The following EXOC4 variants were observed in gnomAD, a reference collection of about 807,000 sequenced individuals.
EXOC4 encodes exocyst complex component 4, also known as SEC8-like 1.
Under a neutral mutation model 107.2 loss-of-function variants are expected in EXOC4, and 71 were observed. The ratio of observed to expected loss-of-function variants is 0.66; its 90% CI spans 0.55 to 0.81. The LOEUF is 0.81. Ranked by LOEUF, EXOC4 falls within the 30% of genes least tolerant of loss-of-function variation. The pLI, the probability that EXOC4 is intolerant of heterozygous loss-of-function variation, is 0.00. For missense variants in EXOC4, 1,108 were observed against 1,189.6 expected (o/e 0.93, Z 1.01); for synonymous variants, 456 against 441.2 (o/e 1.03, Z -0.42).
At chr7:133,861,059 A>G (rs1293249253) in intron 11 of EXOC4, among the ~76,000 whole-genome samples, 2 of 152,162 alleles carry the variant, frequency 1.3e-5, no homozygotes, top group African/African-American at 4.8e-5. Flanking sequence ...CCTTAACAAA[A>G]CAACCTCATC....
At chr7:133,882,609 G>A (rs1798989855) in intron 11 of EXOC4, among the ~76,000 whole-genome samples, 2 of 152,182 alleles carry the variant, frequency 1.3e-5, no homozygotes, top group Admixed American at 1.3e-4. Context: ...CTGGTACGAG[G>A]GTTAGGGAGA....
At chr7:133,494,466 A>G (rs987357802) in intron 9 of EXOC4, among the ~76,000 whole-genome samples, 1 of 152,246 alleles carries the variant, frequency 6.6e-6, no homozygotes. Flanking sequence ...AAGCAAGGCA[A>G]TTGATGGGAT....
At chr7:133,343,621 A>T in intron 5 of EXOC4, among the ~76,000 whole-genome samples, 1 of 146,058 alleles carries the variant, frequency 6.8e-6, no homozygotes, top group East Asian at 2.0e-4. Flanking sequence ...GAGTTTCATC[A>T]CTTTCTTCTC....
Position 133,528,090 on chromosome 7 carries a change from A to G in EXOC4, c.1417+47952A>G, listed in dbSNP as rs183424551. 5.6e-4 allele frequency among the ~76,000 whole-genome samples: 85 copies of G among 152,270 alleles called. 2 individuals are homozygous for G. The East Asian group carries it at 0.011, about 20-fold the overall frequency. ...TAATTGCCACACTTTGATAACCACTATATTGTCCATTTAATTTTTCCTAGC... is the reference window on the plus strand; with the variant it reads ...TAATTGCCACACTTTGATAACCACTGTATTGTCCATTTAATTTTTCCTAGC... On this transcript the variant is annotated intron_variant, in intron 9 of 17. Coordinates refer to ENST00000253861, the MANE Select transcript of EXOC4 (RefSeq NM_021807.4).
At position 133,627,024 on chromosome 7, in the gene EXOC4, T is replaced by G. The variant is rs1802473467; in HGVS notation, c.1418-3021T>G. Among the ~76,000 whole-genome samples the G allele has an allele frequency of 2.0e-5, 3 of 152,230 alleles. 1 individual carries two copies. The highest frequency in any genetic ancestry group is 7.2e-5 in the African/African-American group (3 of 41,466). ...TTTAGCAAGTTAGGTCTTTTTTCCT[T>G]TCATTCAGCAAATGTATTCTTGTAT... On this transcript the variant is annotated intron_variant, in intron 9 of 17. Coordinates refer to ENST00000253861, the MANE Select transcript of EXOC4 (RefSeq NM_021807.4).
chr7:133,461,361 C>G (rs1481036760), intron 7 of EXOC4, among the ~76,000 whole-genome samples: 2 of 152,160 alleles, frequency 1.3e-5, no homozygotes, highest in Non-Finnish European at 2.9e-5. Context: ...AACACAGTTC[C>G]TGGCACTTAG....
intron 7 of EXOC4, among the ~76,000 whole-genome samples, chr7:133,446,610 A>G (rs1458065420): frequency 2.0e-5 from 3 of 152,214 alleles, no homozygotes; most frequent in Non-Finnish European, 2.9e-5. Flanking sequence ...AGATGAAGCC[A>G]TTAGAAACTC....
intron 9 of EXOC4, among the ~76,000 whole-genome samples, chr7:133,608,554 T>TC (rs1170472570): frequency 7.0e-6 from 1 of 143,246 alleles, no homozygotes; most frequent in Non-Finnish European, 1.5e-5. Context: ...TTCTTTTTTT[T>TC]TTTTTTTTTT....
chr7:133,259,099 G>C (rs1048016574), intron 1 of EXOC4, among the ~76,000 whole-genome samples: 1 of 151,922 alleles, frequency 6.6e-6, no homozygotes, highest in South Asian at 2.1e-4. Flanking sequence ...TCAGGTTTTC[G>C]TATGGATCTT....
intron 7 of EXOC4, among the ~76,000 whole-genome samples, chr7:133,468,399 A>C (rs1271016025): frequency 6.6e-6 from 1 of 152,202 alleles, no homozygotes; most frequent in Admixed American, 6.5e-5. Flanking sequence ...TATTGAAAAA[A>C]ATAACTTTTT....
chr7:133,691,672 G>A (rs1397482795), intron 10 of EXOC4, among the ~76,000 whole-genome samples: 1 of 152,120 alleles, frequency 6.6e-6, no homozygotes, highest in Non-Finnish European at 1.5e-5. Context: ...AGATACTTAT[G>A]AAATCCAGTA....
rs57409643 is a variant in EXOC4 at position 133,716,249 on chromosome 7, A to G, written c.1514+86108A>G. On this transcript the variant is annotated intron_variant, in intron 10 of 17. Transcript: ENST00000253861. ...ACTACAGAGTGCTGGGCATGTAGCA[A>G]TGAAAAGTTGACATGGGACTCTGTC... Among the ~76,000 whole-genome samples the G allele has an allele frequency of 7.1e-3, 1,088 of 152,354 alleles. 9 individuals are homozygous for G. The highest frequency in any genetic ancestry group is 0.025 in the African/African-American group (1,029 of 41,586).
intron 10 of EXOC4, among the ~76,000 whole-genome samples, chr7:133,683,769 C>T (rs186316225): frequency 5.6e-4 from 85 of 152,058 alleles, no homozygotes; most frequent in Non-Finnish European, 1.0e-3. Flanking sequence ...GCAACTTTAC[C>T]AACTCTGTTA....
chr7:134,050,841 T>C (rs1034305252), intron 17 of EXOC4, among the ~76,000 whole-genome samples: 1 of 152,116 alleles, frequency 6.6e-6, no homozygotes, highest in Non-Finnish European at 1.5e-5. Flanking sequence ...TTATTATTAT[T>C]AAATACAGAA....
rs550907261 is a variant in EXOC4, at chr7:134,043,499, T to C, written c.2688-20792T>C. Reference sequence around the variant, plus strand: ...ACCACCACATTTGAAATATTTCTCTTTGAAAACATTAGAAATGTTTGTCAG... The same window carrying C: ...ACCACCACATTTGAAATATTTCTCTCTGAAAACATTAGAAATGTTTGTCAG... On this transcript the variant is annotated intron_variant, in intron 17 of 17. Coordinates refer to ENST00000253861, the MANE Select transcript of EXOC4 (RefSeq NM_021807.4). Among the ~76,000 whole-genome samples, 6 of 152,326 alleles carry C rather than the reference T, an allele frequency of 3.9e-5. No homozygotes were observed. The South Asian group carries it at 1.2e-3, about 32-fold the overall frequency.
At chr7:133,845,368 G>A (rs1214629251) in intron 11 of EXOC4, among the ~76,000 whole-genome samples, 1 of 145,490 alleles carries the variant, frequency 6.9e-6, no homozygotes, top group Non-Finnish European at 1.5e-5. Flanking sequence ...GTGTGTGTGT[G>A]TAAAATACAA....
intron 11 of EXOC4, among the ~76,000 whole-genome samples, chr7:133,888,718 CTG>C (rs1337126521): frequency 1.3e-5 from 2 of 152,150 alleles, no homozygotes; most frequent in African/African-American, 4.8e-5. Flanking sequence ...ATATGAAACA[CTG>C]TAATCTCGTG....
chr7:133,661,395 A>G (rs1793676865), intron 10 of EXOC4, among the ~76,000 whole-genome samples: 1 of 152,132 alleles, frequency 6.6e-6, no homozygotes, highest in Non-Finnish European at 1.5e-5. Flanking sequence ...CCTGAGCTAT[A>G]GTTGTATTCT....
chr7:133,915,620 A>C (rs1799792033), intron 12 of EXOC4, among the ~76,000 whole-genome samples: 2 of 152,210 alleles, frequency 1.3e-5, no homozygotes, highest in African/African-American at 4.8e-5. Flanking sequence ...ATTGAGGGGT[A>C]CACCTGCAAC....
Sources: gnomAD v4.1 joint callset for allele counts (sites outside exome capture counted in the v4.1 genomes callset) on GRCh38, gnomAD v4.1.1 for gene constraint, MANE v1.5 for transcripts, NCBI Gene and HGNC (gene_info 2026-07-23, HGNC 2026-07-21) for gene names.